Variants in RIN2 observed in about 807,000 individuals in gnomAD.
The protein encoded by RIN2 is RAB5 interacting protein 2.
RIN2 carries 36 observed loss-of-function variants against 78.0 expected under a neutral mutation model. The observed-to-expected ratio is 0.46, with a 90% confidence interval of 0.35 to 0.61. The LOEUF is 0.61. RIN2 is among the 20% of genes least tolerant of loss of function. The pLI is 0.00. For synonymous variants in RIN2, 466 were observed against 466.8 expected (o/e 1.00, Z 0.02); for missense variants, 1,087 against 1,159.7 (o/e 0.94, Z 0.91).
In RIN2 at chr20:19,935,146, G is replaced by A. The variant is rs2040586976; in HGVS notation, c.105G>A (p.Met35Ile). ...AGATCGGAGAACTGAAACAGGAGAT[G>A]GTGCGGACAGATGTCAACCTGGAAA... is the stretch of plus-strand genomic sequence containing the variant. ...ASEIGELKQE[M>I]VRTDVNLENG... The change falls in exon 4 of 13, where the codon ATG becomes ATA. Residue 35 changes from methionine (M) to isoleucine (I), a missense_variant. Transcript: ENST00000255006. 2 of 1,604,772 alleles carry A rather than the reference G, an allele frequency of 1.2e-6. No individual in the cohort carries two copies. The highest frequency in any genetic ancestry group is 3.4e-5 in the Admixed American group (2 of 58,832).
intron 1 of RIN2, among the ~76,000 whole-genome samples, chr20:19,761,657 A>T (rs2033646289): frequency 6.6e-6 from 1 of 152,228 alleles, no homozygotes; most frequent in Admixed American, 6.5e-5. Flanking sequence ...TTTGGATAGT[A>T]AAAATGTATA....
intron 2 of RIN2, among the ~76,000 whole-genome samples, chr20:19,825,380 A>G (rs2036059362): frequency 6.6e-6 from 1 of 152,188 alleles, no homozygotes; most frequent in Non-Finnish European, 1.5e-5. Flanking sequence ...AGCTCTGATC[A>G]TTAGATAGGT....
chr20:19,945,174 G>A (rs186419170), intron 4 of RIN2, among the ~76,000 whole-genome samples: 112 of 152,330 alleles, frequency 7.4e-4, no homozygotes, highest in African/African-American at 2.6e-3. Flanking sequence ...CAGTGATGAA[G>A]GGGCAGTGCT....
At chr20:19,947,265 C>G (rs918749966) in intron 4 of RIN2, among the ~76,000 whole-genome samples, 1 of 151,880 alleles carries the variant, frequency 6.6e-6, no homozygotes, top group Non-Finnish European at 1.5e-5. Flanking sequence ...ACTCAGGAAG[C>G]TGAGGCTGAG....
intron 2 of RIN2, among the ~76,000 whole-genome samples, chr20:19,818,521 C>A (rs2035833925): frequency 6.6e-6 from 1 of 152,114 alleles, no homozygotes; most frequent in Non-Finnish European, 1.5e-5. Flanking sequence ...ATCACAAGGT[C>A]AGGAGTTTGA....
intron 2 of RIN2, among the ~76,000 whole-genome samples, chr20:19,854,233 G>GTCTATA (rs1261659923): frequency 4.9e-4 from 74 of 152,198 alleles, no homozygotes; most frequent in Admixed American, 3.9e-3. Context: ...TGTTCCATTG[G>GTCTATA]TCTATATCTC....
chr20:19,922,021 A>G (rs1172943481), intron 3 of RIN2, among the ~76,000 whole-genome samples: 1 of 152,186 alleles, frequency 6.6e-6, no homozygotes, highest in African/African-American at 2.4e-5. Flanking sequence ...GCATGCCACC[A>G]TGCCCAGCTA....
intron 2 of RIN2, among the ~76,000 whole-genome samples, chr20:19,887,023 G>T (rs1001406339): frequency 2.0e-5 from 3 of 151,598 alleles, no homozygotes; most frequent in Admixed American, 1.3e-4. Flanking sequence ...GGGCCCTGAA[G>T]AACTTTTTTT....
intron 2 of RIN2, among the ~76,000 whole-genome samples, chr20:19,880,222 T>C (rs572817371): frequency 6.9e-6 from 1 of 144,694 alleles, no homozygotes; most frequent in African/African-American, 2.6e-5. Flanking sequence ...CTGTACTCCA[T>C]CCTGGGCAAC....
intron 3 of RIN2, among the ~76,000 whole-genome samples, chr20:19,903,993 G>A (rs1282644277): frequency 6.6e-6 from 1 of 152,088 alleles, no homozygotes; most frequent in Admixed American, 6.6e-5. Context: ...GCTCATGCCT[G>A]TAATCCCAGC....
At chr20:19,805,373 A>G (rs1367311142) in intron 2 of RIN2, among the ~76,000 whole-genome samples, 1 of 152,168 alleles carries the variant, frequency 6.6e-6, no homozygotes, top group Non-Finnish European at 1.5e-5. Flanking sequence ...GGGACTCAGA[A>G]GTTAGGATAT....
chr20:19,983,170 C>G (rs1427932467), intron 9 of RIN2, among the ~76,000 whole-genome samples: 1 of 152,168 alleles, frequency 6.6e-6, no homozygotes, highest in Non-Finnish European at 1.5e-5. Context: ...AGCTTTCACT[C>G]AATGTTAGTT....
intron 1 of RIN2, among the ~76,000 whole-genome samples, chr20:19,785,584 G>A (rs1174319087): frequency 6.6e-6 from 1 of 152,152 alleles, no homozygotes; most frequent in East Asian, 1.9e-4. Flanking sequence ...CTAAACCCCA[G>A]CCCAAGGCAA....
chr20:19,930,295 G>A (rs2040391656), intron 3 of RIN2, among the ~76,000 whole-genome samples: 1 of 152,224 alleles, frequency 6.6e-6, no homozygotes, highest in South Asian at 2.1e-4. Flanking sequence ...CATGATTGGT[G>A]ACTTGGCATG....
At chr20:19,774,050 A>G (rs2034226728) in intron 1 of RIN2, among the ~76,000 whole-genome samples, 1 of 152,016 alleles carries the variant, frequency 6.6e-6, no homozygotes, top group African/African-American at 2.4e-5. Flanking sequence ...CTTCTGTCCC[A>G]TGGAGCAACT....
intron 3 of RIN2, among the ~76,000 whole-genome samples, chr20:19,909,623 C>A (rs1600766472): frequency 1.3e-5 from 2 of 152,308 alleles, no homozygotes; most frequent in African/African-American, 4.8e-5. Flanking sequence ...TTGTGGGCAT[C>A]ATCATGCTGG....
intron 4 of RIN2, among the ~76,000 whole-genome samples, chr20:19,952,531 G>A (rs1428091652): frequency 6.6e-6 from 1 of 152,224 alleles, no homozygotes; most frequent in Non-Finnish European, 1.5e-5. Context: ...AATTATGGTT[G>A]CTGTTTTATA....
intron 11 of RIN2, among the ~76,000 whole-genome samples, chr20:19,996,465 T>A (rs925872323): frequency 2.6e-5 from 4 of 152,176 alleles, no homozygotes; most frequent in African/African-American, 9.7e-5. Context: ...CAGGCCTGGG[T>A]CGCTCCAGAA....
intron 3 of RIN2, among the ~76,000 whole-genome samples, chr20:19,908,574 T>C (rs2039326575): frequency 6.6e-6 from 1 of 151,786 alleles, no homozygotes; most frequent in Non-Finnish European, 1.5e-5. Context: ...AATAATTCTG[T>C]GGAAACAATC....
Sources: allele counts gnomAD v4.1 joint callset (sites outside exome capture counted in the v4.1 genomes callset), GRCh38; gene constraint gnomAD v4.1.1; transcripts MANE v1.5; gene names NCBI Gene and HGNC (gene_info 2026-07-23, HGNC 2026-07-21).